Variants in UBE2E2 observed in about 807,000 individuals in gnomAD.
UBE2E2 encodes the protein ubiquitin-conjugating enzyme E2 E2.
In UBE2E2, 6 loss-of-function variants were observed where a neutral mutation model predicts 24.7. That is an observed-to-expected ratio of 0.24 (90% confidence interval 0.13 to 0.48). The LOEUF is 0.48. Ranked by LOEUF, UBE2E2 falls within the 20% of genes least tolerant of loss-of-function variation. UBE2E2 has a pLI of 0.99. For synonymous variants in UBE2E2, 104 were observed against 83.6 expected (o/e 1.24, Z -1.33); for missense variants, 169 against 245.0 (o/e 0.69, Z 2.07).
At chr3:23,397,987 C>T (rs9819566) in intron 3 of UBE2E2, among the ~76,000 whole-genome samples, 6,410 of 152,160 alleles carry the variant, frequency 0.042, 469 homozygotes, top group African/African-American at 0.15. Flanking sequence ...CCACTTCTTA[C>T]AATGTTGATT....
intron 2 of UBE2E2, among the ~76,000 whole-genome samples, chr3:23,212,507 G>C (rs1696356866): frequency 6.6e-6 from 1 of 152,108 alleles, no homozygotes; most frequent in African/African-American, 2.4e-5. Context: ...CTGTAAATGT[G>C]AATTTTATAT....
intron 3 of UBE2E2, among the ~76,000 whole-genome samples, chr3:23,311,002 C>G (rs1420629860): frequency 1.3e-5 from 2 of 152,104 alleles, no homozygotes; most frequent in Non-Finnish European, 2.9e-5. Context: ...TGCTATCCCT[C>G]CCTCCTGCCG....
At chr3:23,554,143 C>G (rs1020033929) in intron 5 of UBE2E2, among the ~76,000 whole-genome samples, 1 of 152,028 alleles carries the variant, frequency 6.6e-6, no homozygotes, top group Non-Finnish European at 1.5e-5. Context: ...AATTTTATTT[C>G]AAAGCTATAG....
intron 3 of UBE2E2, among the ~76,000 whole-genome samples, chr3:23,394,777 G>T (rs919328528): frequency 1.3e-5 from 2 of 152,106 alleles, no homozygotes; most frequent in Non-Finnish European, 2.9e-5. Context: ...TTTTCATTTC[G>T]ATCCCCAAAA....
chr3:23,456,726 G>T (rs1006605407), intron 3 of UBE2E2, among the ~76,000 whole-genome samples: 2 of 152,188 alleles, frequency 1.3e-5, no homozygotes, highest in African/African-American at 4.8e-5. Flanking sequence ...ATATAGCGTA[G>T]GTAAAGTTGA....
intron 4 of UBE2E2, among the ~76,000 whole-genome samples, chr3:23,525,041 T>C (rs1694962172): frequency 6.6e-6 from 1 of 152,106 alleles, no homozygotes; most frequent in Admixed American, 6.6e-5. Context: ...CTTGAGGCTT[T>C]AGGGGAAAAA....
rs1575723739 is a variant in UBE2E2 at position 23,583,197 on chromosome 3, A to G, written c.509-6537A>G. Among the ~76,000 whole-genome samples the G allele has an allele frequency of 6.6e-6, 1 of 152,256 alleles. No homozygotes were observed. Among genetic ancestry groups the G allele is most frequent in the East Asian group, 1.9e-4 (1 of 5,184 alleles). On this transcript the variant is annotated intron_variant, in intron 5 of 5. Transcript: ENST00000396703. The surrounding 1 kb of genome is among the most constrained non-coding windows in gnomAD (Gnocchi z 4.1). ...TTATTGAATAGGGAGTCCTTTCCCC[A>G]TTGCTTATTTTTGTCAGCTTTGTCA...
intron 4 of UBE2E2, among the ~76,000 whole-genome samples, chr3:23,502,521 G>A (rs1699746488): frequency 3.3e-5 from 5 of 152,092 alleles, no homozygotes. Context: ...AGCTTTTAAA[G>A]GTCAGAGGAA....
intron 3 of UBE2E2, among the ~76,000 whole-genome samples, chr3:23,333,922 C>T (rs1267540752): frequency 6.6e-6 from 1 of 152,128 alleles, no homozygotes; most frequent in Non-Finnish European, 1.5e-5. Flanking sequence ...ATCTGATACT[C>T]AAGTTCAGAT....
Position 23,583,123 on chromosome 3 carries a change from G to A in UBE2E2, c.509-6611G>A, listed in dbSNP as rs1335973806. On this transcript the variant is annotated intron_variant, in intron 5 of 5. Coordinates refer to ENST00000396703, the MANE Select transcript of UBE2E2 (RefSeq NM_152653.4). This position sits in a 1 kb window ranked among gnomAD's most constrained non-coding sequence, Gnocchi z 4.1. The stretch of plus-strand genomic sequence containing the variant: ...TTTTTGGATGTGGTGTAAGGAAGGG[G>A]TCCAATTTCAATCTTCTGCATATGG... Among the ~76,000 whole-genome samples the A allele has an allele frequency of 1.3e-5, 2 of 152,160 alleles. No individual in the cohort carries two copies. The highest frequency in any genetic ancestry group is 2.4e-5 in the African/African-American group (1 of 41,512).
At chr3:23,480,271 G>A (rs1373375303) in intron 3 of UBE2E2, among the ~76,000 whole-genome samples, 1 of 152,230 alleles carries the variant, frequency 6.6e-6, no homozygotes, top group African/African-American at 2.4e-5. Flanking sequence ...GGTTGTGATA[G>A]CACCCAGGCC....
At chr3:23,493,523 G>T (rs1699542306) in intron 3 of UBE2E2, among the ~76,000 whole-genome samples, 1 of 151,780 alleles carries the variant, frequency 6.6e-6, no homozygotes, top group Non-Finnish European at 1.5e-5. Flanking sequence ...AAAGCTTTAG[G>T]TTTTTTTTCT....
intron 3 of UBE2E2, among the ~76,000 whole-genome samples, chr3:23,398,185 C>T (rs557133730): frequency 4.0e-5 from 6 of 151,842 alleles, no homozygotes; most frequent in South Asian, 2.1e-4. Context: ...TGGTGGTGGG[C>T]GCCTGCGATC....
At chr3:23,306,230 G>A (rs561290971) in intron 3 of UBE2E2, among the ~76,000 whole-genome samples, 2 of 152,304 alleles carry the variant, frequency 1.3e-5, no homozygotes, top group Non-Finnish European at 2.9e-5. Flanking sequence ...AGTCTATTCT[G>A]TTATTTGAGG....
At chr3:23,260,264 A>G (rs1157500129) in intron 3 of UBE2E2, among the ~76,000 whole-genome samples, 1 of 152,220 alleles carries the variant, frequency 6.6e-6, no homozygotes, top group Non-Finnish European at 1.5e-5. Context: ...TTATAATGCT[A>G]TATATTTTTT....
At chr3:23,536,501 G>A (rs1042483051) in intron 5 of UBE2E2, among the ~76,000 whole-genome samples, 2 of 152,084 alleles carry the variant, frequency 1.3e-5, no homozygotes, top group African/African-American at 4.8e-5. Context: ...TCTAAACTCA[G>A]TTATGATGTA....
chr3:23,272,004 G>C (rs907377098), intron 3 of UBE2E2, among the ~76,000 whole-genome samples: 2 of 152,204 alleles, frequency 1.3e-5, no homozygotes, highest in African/African-American at 4.8e-5. Flanking sequence ...GGGTGGAGCT[G>C]CCCACCAGTC....
At chr3:23,345,576 T>TACACAA (rs1404224379) in intron 3 of UBE2E2, among the ~76,000 whole-genome samples, 2 of 152,176 alleles carry the variant, frequency 1.3e-5, no homozygotes, top group Non-Finnish European at 2.9e-5. Flanking sequence ...ACAATAGCAT[T>TACACAA]GACAAATTAC....
At chr3:23,379,839 C>T (rs1696621674) in intron 3 of UBE2E2, among the ~76,000 whole-genome samples, 1 of 151,880 alleles carries the variant, frequency 6.6e-6, no homozygotes, top group Non-Finnish European at 1.5e-5. Context: ...TATGCAAAGA[C>T]CTAGGGCAGA....
Sources: gnomAD v4.1 joint callset for allele counts (sites outside exome capture counted in the v4.1 genomes callset) on GRCh38, gnomAD v4.1.1 for gene constraint, Gnocchi (gnomAD v3.1) non-coding constraint, MANE v1.5 for transcripts, NCBI Gene and HGNC (gene_info 2026-07-23, HGNC 2026-07-21) for gene names.